ZNF704: variants seen among roughly 807,000 people sequenced by gnomAD.
ZNF704 encodes zinc finger protein 704, also known as glucocorticoid induced gene 1.
A neutral mutation model predicts 44.7 loss-of-function variants in ZNF704; 10 were observed. The observed-to-expected ratio is 0.22, with a 90% confidence interval of 0.14 to 0.38. The LOEUF is 0.38. Ranked by LOEUF, ZNF704 falls within the 10% of genes least tolerant of loss-of-function variation. ZNF704 has a pLI of 1.00. For synonymous variants in ZNF704, 211 were observed against 207.6 expected, an observed-to-expected ratio of 1.02 and a Z score of -0.14; for missense variants, 390 against 545.5, an observed-to-expected ratio of 0.71 and a Z score of 2.84.
intron 4 of ZNF704, among the ~76,000 whole-genome samples, chr8:80,680,223 G>A (rs57990360): frequency 0.11 from 16,494 of 152,046 alleles, 3,030 homozygotes; most frequent in African/African-American, 0.37. Flanking sequence ...TTTTTGAAGT[G>A]CTTCAAAGTA....
chr8:80,883,747 T>C, the ZNF704 span, among the ~76,000 whole-genome samples: 1 of 152,242 alleles, frequency 6.6e-6, no homozygotes, highest in Admixed American at 6.5e-5. Flanking sequence ...TCTACCTAAT[T>C]TTAAAAATTA....
intron 2 of ZNF704, among the ~76,000 whole-genome samples, chr8:80,799,893 C>G (rs1047930551): frequency 6.6e-6 from 1 of 151,950 alleles, no homozygotes; most frequent in African/African-American, 2.4e-5. Context: ...GCATGTCTAA[C>G]CCAATGCAAA....
At chr8:80,783,205 C>T (rs540780961) in intron 2 of ZNF704, among the ~76,000 whole-genome samples, 1 of 152,280 alleles carries the variant, frequency 6.6e-6, no homozygotes, top group South Asian at 2.1e-4. Context: ...ATTTGCCTTG[C>T]CTAGCCTGCC....
At chr8:80,840,310 CGTGT>C (rs148744401) in intron 1 of ZNF704, among the ~76,000 whole-genome samples, 2 of 151,242 alleles carry the variant, frequency 1.3e-5, no homozygotes, top group African/African-American at 4.9e-5. Context: ...AAATTGTGTG[CGTGT>C]GTGTGTGTGT....
At chr8:80,768,814 G>A (rs548962777) in intron 2 of ZNF704, among the ~76,000 whole-genome samples, 1 of 152,260 alleles carries the variant, frequency 6.6e-6, no homozygotes, top group South Asian at 2.1e-4. Flanking sequence ...ATTTACACCA[G>A]AGAAATCAGC....
intron 1 of ZNF704, among the ~76,000 whole-genome samples, chr8:80,830,034 T>A (rs1586059252): frequency 1.3e-5 from 2 of 152,328 alleles, no homozygotes; most frequent in East Asian, 1.9e-4. Flanking sequence ...CACATGTTCT[T>A]TTTAATGTCT....
rs370681496 is a variant in ZNF704 at position 80,634,040 on chromosome 8, A to G, written c.*7326T>C. On this transcript the variant is annotated 3_prime_UTR_variant, in exon 9 of 9. Transcript: ENST00000327835. Reference sequence around the variant, plus strand: ...GCAGTGGTAATTTTACTTGGTAACGAAGACTCATGAGGCCGGATGGAGAGG... The same window carrying G: ...GCAGTGGTAATTTTACTTGGTAACGGAGACTCATGAGGCCGGATGGAGAGG... 6.6e-6 allele frequency: 1 copy of G among 152,256 alleles called. No individual in the cohort carries two copies. The highest frequency in any genetic ancestry group is 1.5e-5 in the Non-Finnish European group (1 of 68,084). 9.4% of individuals were successfully genotyped at this position (152,256 alleles called of 1,614,324 possible).
At chr8:80,845,253 G>C (rs569169102) in intron 1 of ZNF704, among the ~76,000 whole-genome samples, 1 of 152,238 alleles carries the variant, frequency 6.6e-6, no homozygotes, top group East Asian at 1.9e-4. Context: ...AGTTGGGCTG[G>C]GTTCAATGCC....
intron 1 of ZNF704, among the ~76,000 whole-genome samples, chr8:80,859,553 A>G (rs1282143967): frequency 6.6e-6 from 1 of 152,252 alleles, no homozygotes; most frequent in Non-Finnish European, 1.5e-5. Context: ...CAGGATGCCA[A>G]CAACACTAGC....
intron 2 of ZNF704, among the ~76,000 whole-genome samples, chr8:80,758,086 C>T (rs1263180669): frequency 6.6e-6 from 1 of 152,174 alleles, no homozygotes; most frequent in Non-Finnish European, 1.5e-5. Flanking sequence ...TATAGCTGTG[C>T]CTTTGGAGCA....
At chr8:80,680,368 T>A (rs1424577451) in intron 4 of ZNF704, among the ~76,000 whole-genome samples, 1 of 152,088 alleles carries the variant, frequency 6.6e-6, no homozygotes, top group African/African-American at 2.4e-5. Context: ...CAGGTATTTT[T>A]TTTTTTTTTG....
At chr8:80,707,332 A>C (rs1365375009) in intron 2 of ZNF704, among the ~76,000 whole-genome samples, 1 of 152,230 alleles carries the variant, frequency 6.6e-6, no homozygotes, top group Non-Finnish European at 1.5e-5. Flanking sequence ...TATAATGAAA[A>C]GTATTTCCTT....
chr8:80,821,390 C>T lies in ZNF704; in HGVS notation c.205G>A (p.Asp69Asn). The part of the protein sequence containing the change: ...QKRKVVSSNI[D>N]VPPARKSSEE... ...TTCCCTTACCTTGCTGGAGGAACAT[C>T]AATGTTGGAGGAAACAACTTTTCTT... Residue 69 changes from aspartate to asparagine, a missense_variant, in exon 2 of 9, where the codon GAT becomes AAT. By Grantham distance (23) the Asp-to-Asn change is conservative. Transcript: ENST00000327835. 6.2e-7 allele frequency: 1 copy of T among 1,613,546 alleles called. No individual in the cohort carries two copies. The highest frequency in any genetic ancestry group is 8.5e-7 in the Non-Finnish European group (1 of 1,179,892).
intron 1 of ZNF704, among the ~76,000 whole-genome samples, chr8:80,866,548 C>T (rs1809157749): frequency 6.6e-6 from 1 of 152,172 alleles, no homozygotes; most frequent in Admixed American, 6.5e-5. Context: ...CATGTATTTA[C>T]CTTAAGATAA....
intron 7 of ZNF704, among the ~76,000 whole-genome samples, chr8:80,654,510 C>G (rs1182999954): frequency 6.6e-6 from 1 of 151,772 alleles, no homozygotes. Flanking sequence ...AACAAACAAC[C>G]CCATCAAAAA....
the ZNF704 span, among the ~76,000 whole-genome samples, chr8:80,880,278 C>T: frequency 6.6e-6 from 1 of 152,216 alleles, no homozygotes; most frequent in Non-Finnish European, 1.5e-5. Flanking sequence ...TGAGCGGACA[C>T]TTGTGGCCAA....
At chr8:80,671,993 T>C (rs890934435) in intron 4 of ZNF704, among the ~76,000 whole-genome samples, 1 of 152,198 alleles carries the variant, frequency 6.6e-6, no homozygotes, top group Non-Finnish European at 1.5e-5. Flanking sequence ...CTCAGAATAG[T>C]GGTTTTTAAT....
chr8:80,856,439 C>T (rs73264444), intron 1 of ZNF704, among the ~76,000 whole-genome samples: 4,083 of 152,112 alleles, frequency 0.027, 182 homozygotes, highest in African/African-American at 0.09. Flanking sequence ...TAATCCTTGC[C>T]TATCCCAAAG....
intron 1 of ZNF704, among the ~76,000 whole-genome samples, chr8:80,854,641 T>G (rs1808927136): frequency 6.6e-6 from 1 of 152,182 alleles, no homozygotes; most frequent in South Asian, 2.1e-4. Context: ...TAGTTTAAAA[T>G]TCTACTCCCT....
Sources: allele counts gnomAD v4.1 joint callset (sites outside exome capture counted in the v4.1 genomes callset), GRCh38; gene constraint gnomAD v4.1.1; transcripts MANE v1.5; gene names NCBI Gene and HGNC (gene_info 2026-07-23, HGNC 2026-07-21).